DYNC2H1: variants seen among roughly 807,000 people sequenced by gnomAD.
The protein encoded by DYNC2H1 is cytoplasmic dynein 2 heavy chain 1.
In DYNC2H1, 410 loss-of-function variants were observed where a neutral mutation model predicts 570.0. That is an observed-to-expected ratio of 0.72 (90% CI 0.66 to 0.78). The LOEUF is 0.78. Among genes scored for constraint, DYNC2H1 ranks in the 30% least tolerant of loss-of-function variants. The pLI is 0.00. For missense variants in DYNC2H1, 4,865 were observed against 5,046.4 expected (o/e 0.96, Z 1.09); for synonymous variants, 1,688 against 1,677.6 (o/e 1.01, Z -0.15).
intron 78 of DYNC2H1, among the ~76,000 whole-genome samples, chr11:103,308,662 T>C (rs1367740867): frequency 1.3e-5 from 2 of 152,070 alleles, no homozygotes; most frequent in Non-Finnish European, 2.9e-5. Context: ...TTTCTTTGAG[T>C]GTGTGTGTTT....
chr11:103,304,696 A>G lies in DYNC2H1; in HGVS notation c.11358A>G (p.Val3786=), dbSNP rs573193401. The G allele has an allele frequency of 1.9e-5, 30 of 1,612,706 alleles. No homozygotes were observed. In the Admixed American group the frequency reaches 4.7e-4, roughly 25 times the overall value. ...GTTTGAAGAACTTACATCTTGTGGT[A>G]TCTTGGCTGCCAGTTCTGGAAAAGG... is the stretch of plus-strand genomic sequence containing the variant. ...WLCLKNLHLV[V]SWLPVLEKEL... The change falls in exon 77 of 89, where the codon GTA becomes GTG. Residue 3786 remains valine, a synonymous_variant. Transcript: ENST00000375735.
chr11:103,329,986 C>A (rs1332273166), intron 82 of DYNC2H1, among the ~76,000 whole-genome samples: 1 of 152,138 alleles, frequency 6.6e-6, no homozygotes, highest in Non-Finnish European at 1.5e-5. Flanking sequence ...AAAGCTTATC[C>A]TCTCCTGAAG....
rs201825699 is a variant in DYNC2H1, at chr11:103,191,541, G to A, written c.7462G>A (p.Asp2488Asn). 1.8e-4 allele frequency: 286 copies of A among 1,608,002 alleles called. 2 individuals carry two copies. The highest frequency in any genetic ancestry group is 3.9e-5 in the Non-Finnish European group (46 of 1,176,898). The change falls in exon 46 of 89, where the codon GAT becomes AAT. Residue 2488 changes from aspartate (D) to asparagine (N), a missense_variant. Around this residue, in one of 5 missense-constraint regions of DYNC2H1, gnomAD observed 2,401 missense variants for 2,454.6 expected, o/e 0.98. Coordinates refer to ENST00000375735, the MANE Select transcript of DYNC2H1 (RefSeq NM_001377.3). ...EQVRAKFTVD[D>N]YSHYFFTPCI... ...GGTGCGAGCCAAATTTACAGTTGAT[G>A]ATTATAGTCACTATTTCTTTACTCC...
At chr11:103,295,235 C>T (rs1033357132) in intron 75 of DYNC2H1, among the ~76,000 whole-genome samples, 1 of 152,200 alleles carries the variant, frequency 6.6e-6, no homozygotes, top group Non-Finnish European at 1.5e-5. Context: ...GGACTTCCCT[C>T]TGGCCCCGGG....
At chr11:103,350,858 C>T (rs1359254942) in intron 82 of DYNC2H1, among the ~76,000 whole-genome samples, 1 of 152,014 alleles carries the variant, frequency 6.6e-6, no homozygotes, top group Non-Finnish European at 1.5e-5. Flanking sequence ...CCTCATTTAC[C>T]CTTAATTACC....
At chr11:103,358,179 G>T in intron 82 of DYNC2H1, 64 bp from the exon 83 acceptor site, 1 of 931,158 alleles carries the variant, frequency 1.1e-6, no homozygotes, top group Non-Finnish European at 1.6e-6. Context: ...TTGTACCTAT[G>T]TTCTTTCTTC....
chr11:103,478,294 TAA>T (rs1397523910), intron 88 of DYNC2H1, among the ~76,000 whole-genome samples: 1 of 152,226 alleles, frequency 6.6e-6, no homozygotes, highest in South Asian at 2.1e-4. Flanking sequence ...CTCATGGTAA[TAA>T]AAAAATTGAT....
intron 84 of DYNC2H1, among the ~76,000 whole-genome samples, chr11:103,428,546 A>G (rs1943764570): frequency 6.6e-6 from 1 of 152,192 alleles, no homozygotes; most frequent in Admixed American, 6.5e-5. Context: ...ACAGTTCAGT[A>G]GTGCAAAGTA....
intron 87 of DYNC2H1, among the ~76,000 whole-genome samples, chr11:103,462,513 C>T (rs879505972): frequency 4.6e-5 from 7 of 152,156 alleles, no homozygotes; most frequent in South Asian, 2.1e-4. Context: ...TGGATAACTA[C>T]GGTTGCACAC....
chr11:103,138,103 C>T (rs1439814415), intron 17 of DYNC2H1, among the ~76,000 whole-genome samples: 3 of 151,722 alleles, frequency 2.0e-5, no homozygotes, highest in African/African-American at 4.8e-5. Context: ...GCTGAAGTTG[C>T]TTATCAGCTT....
intron 85 of DYNC2H1, among the ~76,000 whole-genome samples, chr11:103,451,324 CTTTTTTTTT>C (rs34032894): frequency 8.4e-5 from 6 of 71,034 alleles, no homozygotes; most frequent in East Asian, 5.0e-4. Flanking sequence ...AGTAAAAGGG[CTTTTTTTTT>C]TTTTTTTTTT....
intron 12 of DYNC2H1, among the ~76,000 whole-genome samples, chr11:103,125,586 A>AAAAGG (rs1388708883): frequency 6.6e-6 from 1 of 152,126 alleles, no homozygotes; most frequent in Non-Finnish European, 1.5e-5. Flanking sequence ...AGGGCCTTCT[A>AAAAGG]ATTAAGGAGT....
Position 103,154,812 on chromosome 11 carries a change from A to G in DYNC2H1, c.3573+3A>G, listed in dbSNP as rs1176942743. The stretch of plus-strand genomic sequence containing the variant: ...AATCAGAGGTTGACAAATATAAAGT[A>G]AGATTGTTTTATTATTTTGCCAATT... On this transcript the variant is annotated splice_donor_region_variant and intron_variant, in intron 24 of 88. Coordinates refer to ENST00000375735, the MANE Select transcript of DYNC2H1 (RefSeq NM_001377.3). The G allele has an allele frequency of 7.2e-6, 11 of 1,533,286 alleles. No homozygotes were observed. Among genetic ancestry groups the G allele is most frequent in the Non-Finnish European group, 9.6e-6 (11 of 1,140,078 alleles). The allele number at this position is 1,533,286 out of a possible 1,614,324, so 95.0% of individuals were successfully genotyped here.
At chr11:103,361,145 C>T (rs887547610) in intron 83 of DYNC2H1, among the ~76,000 whole-genome samples, 1 of 152,062 alleles carries the variant, frequency 6.6e-6, no homozygotes, top group African/African-American at 2.4e-5. Context: ...TGTTTGTTTC[C>T]CTCTTGAAAT....
At chr11:103,386,149 A>G (rs970504755) in intron 83 of DYNC2H1, among the ~76,000 whole-genome samples, 3 of 152,224 alleles carry the variant, frequency 2.0e-5, no homozygotes, top group South Asian at 2.1e-4. Context: ...ATGTTATTCA[A>G]CATTTTTGGT....
intron 83 of DYNC2H1, among the ~76,000 whole-genome samples, chr11:103,378,452 G>C (rs183295999): frequency 2.0e-5 from 3 of 152,246 alleles, no homozygotes; most frequent in African/African-American, 7.2e-5. Context: ...GAGCTAATTA[G>C]GGTAAGCCTT....
rs11225584 is a variant in DYNC2H1 at position 103,181,829 on chromosome 11, T to G, written c.6420T>G (p.Asn2140Lys). The G allele has an allele frequency of 6.3e-7, 1 of 1,596,252 alleles. No individual in the cohort carries two copies. Among genetic ancestry groups the G allele is most frequent in the South Asian group, 1.1e-5 (1 of 88,466 alleles). The change falls in exon 40 of 89, where the codon AAT becomes AAG. Residue 2140 changes from asparagine (N) to lysine (K), a missense_variant. This residue lies in a region of DYNC2H1 where 231 missense variants were observed against 310.3 expected (regional missense o/e 0.74). Transcript: ENST00000375735. This position sits in a 1 kb window ranked among gnomAD's most constrained non-coding sequence, Gnocchi z 5.0. ...LRNQPAEYRN[N>K]LENWIGDYFE... ...ATCAGCCTGCTGAATATAGAAATAA[T>G]CTTGAAAATTGGATTGGAGATTATT...
intron 85 of DYNC2H1, among the ~76,000 whole-genome samples, chr11:103,437,318 C>T (rs973990947): frequency 6.6e-6 from 1 of 152,094 alleles, no homozygotes; most frequent in Non-Finnish European, 1.5e-5. Context: ...TGTACTGATT[C>T]TGTCTGTTCT....
chr11:103,423,426 A>AC (rs1330199912), intron 84 of DYNC2H1, among the ~76,000 whole-genome samples: 17 of 91,210 alleles, frequency 1.9e-4, no homozygotes, highest in African/African-American at 7.7e-4. Context: ...AAAAAAAAAA[A>AC]AAAAAAAAAA....
Sources: allele counts gnomAD v4.1 joint callset (sites outside exome capture counted in the v4.1 genomes callset), GRCh38; gene constraint gnomAD v4.1.1; regional missense constraint gnomAD v4.1.1; non-coding constraint Gnocchi (gnomAD v3.1); transcripts MANE v1.5; gene names NCBI Gene and HGNC (gene_info 2026-07-23, HGNC 2026-07-21).